PNPLA7: variants seen among roughly 807,000 people sequenced by gnomAD.
PNPLA7 encodes patatin-like phospholipase domain-containing protein 7.
In PNPLA7, 153 loss-of-function variants were observed where a neutral mutation model predicts 161.7. The ratio of observed to expected loss-of-function variants is 0.95; its 90% CI spans 0.83 to 1.08. PNPLA7 has a LOEUF of 1.08. Among genes scored for constraint, PNPLA7 ranks in the 50% least tolerant of loss-of-function variants. The probability of loss-of-function intolerance (pLI) is 0.00; values close to 1 mark genes in which losing one functional copy is unlikely to be tolerated. For missense variants in PNPLA7, 1,739 were observed against 1,856.6 expected, an observed-to-expected ratio of 0.94 and a Z score of 1.16; for synonymous variants, 809 against 782.1, an observed-to-expected ratio of 1.03 and a Z score of -0.57.
chr9:137,548,546 G>A (rs10867029), intron 1 of PNPLA7, among the ~76,000 whole-genome samples: 48,456 of 151,966 alleles, frequency 0.32, 8,746 homozygotes, highest in African/African-American at 0.47. Context: ...TCAGGAGATC[G>A]AGACCATCCT....
At chr9:137,491,158 C>A (rs1016865312) in intron 20 of PNPLA7, among the ~76,000 whole-genome samples, 26 of 152,168 alleles carry the variant, frequency 1.7e-4, no homozygotes, top group Admixed American at 2.0e-4. Flanking sequence ...ACTCAGGAGG[C>A]TGAGGGGGGG....
At chr9:137,472,712 T>C (rs1831763990) in intron 25 of PNPLA7, among the ~76,000 whole-genome samples, 1 of 147,324 alleles carries the variant, frequency 6.8e-6, no homozygotes, top group Admixed American at 6.9e-5. Flanking sequence ...ATTCCAGCAC[T>C]TTGGGAGGCT....
chr9:137,501,611 T>C (rs765624162), intron 15 of PNPLA7, 39 bp downstream of exon 15: 2 of 1,583,230 alleles, frequency 1.3e-6, no homozygotes, highest in Non-Finnish European at 1.7e-6. Flanking sequence ...GGCTATGGCA[T>C]TGGGTGGTCC....
At chr9:137,513,696 A>G (rs866979611) in intron 12 of PNPLA7, among the ~76,000 whole-genome samples, 2 of 152,194 alleles carry the variant, frequency 1.3e-5, no homozygotes, top group Non-Finnish European at 2.9e-5. Context: ...AGAATCTCCA[A>G]CAACTGAAAC....
intron 11 of PNPLA7, among the ~76,000 whole-genome samples, chr9:137,517,307 A>C (rs1370605853): frequency 4.6e-4 from 18 of 39,032 alleles, no homozygotes; most frequent in Non-Finnish European, 8.2e-4. Flanking sequence ...ACTCCATCCC[A>C]CACTCACTCA....
rs559343038 is a variant in PNPLA7, at chr9:137,501,630, C to A, written c.1551+20G>T. On this transcript the variant is annotated intron_variant, in intron 15 of 34. Transcript: ENST00000406427. ...ATGGCATTGGGTGGTCCCAGTGCCCCCCCCCAGACCCCCGCTCACCTGGTC... is the reference window on the plus strand; with the variant it reads ...ATGGCATTGGGTGGTCCCAGTGCCCACCCCCAGACCCCCGCTCACCTGGTC... The A allele has an allele frequency of 5.6e-6, 9 of 1,609,014 alleles. No individual in the cohort carries two copies. In the African/African-American group the frequency reaches 9.4e-5, roughly 17 times the overall value.
At chr9:137,509,974 C>T (rs1425831108) in intron 12 of PNPLA7, among the ~76,000 whole-genome samples, 1 of 152,066 alleles carries the variant, frequency 6.6e-6, no homozygotes, top group African/African-American at 2.4e-5. Context: ...TAGGAAAAAC[C>T]AGGCCATACA....
At chr9:137,530,740 A>G (rs1452903116) in intron 8 of PNPLA7, among the ~76,000 whole-genome samples, 2 of 152,194 alleles carry the variant, frequency 1.3e-5, no homozygotes, top group African/African-American at 2.4e-5. Flanking sequence ...CTTCTTTGAG[A>G]GCCTGAATGA....
At chr9:137,497,632 A>G (rs1050461276) in intron 17 of PNPLA7, among the ~76,000 whole-genome samples, 5 of 152,108 alleles carry the variant, frequency 3.3e-5, no homozygotes, top group Non-Finnish European at 5.9e-5. Context: ...GGTTCATGTG[A>G]TTCTCCTGCC....
intron 25 of PNPLA7, among the ~76,000 whole-genome samples, chr9:137,477,473 CAG>C (rs1180457747): frequency 3.3e-5 from 5 of 151,700 alleles, no homozygotes; most frequent in Admixed American, 3.3e-4. Flanking sequence ...TTTTTTGAGA[CAG>C]AGTCTCGCTC....
rs766686294 is a variant in PNPLA7, at chr9:137,462,232, G to C, written c.3592C>G (p.Pro1198Ala). Residue 1198 changes from proline (P) to alanine (A), a missense_variant, in exon 31 of 35, where the codon CCC (proline) becomes GCC (alanine). Physicochemically the swap from Pro to Ala is conservative, Grantham distance 27. This residue lies in a region of PNPLA7 where 703 missense variants were observed against 694.6 expected (regional missense o/e 1.01). Transcript: ENST00000406427. ...AGGGTGCTGTAGCTGTCGATGGGGG[G>C]GCGCAGGTACTCGCAGTAGTCACTG... ...KSSDYCEYLRPPIDSYSTLDF... is the reference protein window; with the variant it reads ...KSSDYCEYLRAPIDSYSTLDF... The C allele has an allele frequency of 1.0e-5, 16 of 1,607,620 alleles. No homozygotes were observed. The South Asian group carries it at 1.3e-4, about 13-fold the overall frequency.
chr9:137,507,042 T>G (rs1475961774), intron 12 of PNPLA7, among the ~76,000 whole-genome samples: 1 of 152,128 alleles, frequency 6.6e-6, no homozygotes, highest in African/African-American at 2.4e-5. Context: ...CATGTGCCCC[T>G]CCCTGGGAAG....
chr9:137,516,414 G>A (rs1834574470), intron 11 of PNPLA7: 1 of 985,010 alleles, frequency 1.0e-6, no homozygotes. Context: ...CCCGGCCCTG[G>A]TCTCTGCCAA....
Position 137,500,804 on chromosome 9 carries a change from G to A in PNPLA7, c.1644C>T (p.Arg548=), listed in dbSNP as rs1392557706. The A allele has an allele frequency of 8.1e-6, 13 of 1,609,378 alleles. No individual in the cohort carries two copies. The highest frequency in any genetic ancestry group is 1.3e-5 in the African/African-American group (1 of 74,906). The part of the protein sequence containing the change: ...SQEDTCLFLT[R]PGEMVGQLAV... ...CCAGCTGGCCCACCATCTCCCCGGGGCGCGTGAGGAACAAGCAGGTGTCCT... is the reference window on the plus strand; with the variant it reads ...CCAGCTGGCCCACCATCTCCCCGGGACGCGTGAGGAACAAGCAGGTGTCCT... Residue 548 remains arginine (R), a synonymous_variant, in exon 16 of 35, where the codon CGC becomes CGT. Coordinates refer to ENST00000406427, the MANE Select transcript of PNPLA7 (RefSeq NM_001098537.3). The surrounding 1 kb of genome is among the most constrained non-coding windows in gnomAD (Gnocchi z 5.5).
intron 24 of PNPLA7, 134 bp downstream of exon 24, chr9:137,478,922 C>G: frequency 8.2e-7 from 1 of 1,217,864 alleles, no homozygotes; most frequent in Non-Finnish European, 1.1e-6. Context: ...GAGGCAGGGT[C>G]ACGTTCACAA....
Position 137,484,882 on chromosome 9 carries a change from T to TGGCCCTCCCGCCTCCCCAGTCCTGAGGCC in PNPLA7, c.2198-147_2198-146insGGCCTCAGGACTGGGGAGGCGGGAGGGCC, listed in dbSNP as rs1564297892. On this transcript the variant is annotated intron_variant, in intron 20 of 34. Coordinates refer to ENST00000406427, the MANE Select transcript of PNPLA7 (RefSeq NM_001098537.3). ...CCTCCCGCCTCCCCAGTCCTGAGGC[T>TGGCCCTCCCGCCTCCCCAGTCCTGAGGCC]GCCTGGCCCTCCCGCCTCCCCAGTC... The TGGCCCTCCCGCCTCCCCAGTCCTGAGGCC allele has an allele frequency of 1.5e-5, 15 of 974,650 alleles. No homozygotes were observed. In the African/African-American group the frequency reaches 2.3e-4, roughly 15 times the overall value. The allele number at this position is 974,650 out of a possible 1,614,324, so 60.4% of individuals were successfully genotyped here.
At chr9:137,506,142 C>T (rs1309295430) in intron 12 of PNPLA7, 59 bp from the exon 13 acceptor site, 7 of 1,446,416 alleles carry the variant, frequency 4.8e-6, no homozygotes, top group East Asian at 4.8e-5. Flanking sequence ...CAAACGTCCG[C>T]GGTGTGGGCT....
At chr9:137,465,847 G>A (rs542534791) in intron 26 of PNPLA7, among the ~76,000 whole-genome samples, 2 of 152,314 alleles carry the variant, frequency 1.3e-5, no homozygotes, top group South Asian at 2.1e-4. Flanking sequence ...CAAGCGCAGC[G>A]CTGAGGAGGG....
At position 137,499,273 on chromosome 9, in the gene PNPLA7, T is replaced by C. The variant is rs1027897898; in HGVS notation, c.1758-1028A>G. Among the ~76,000 whole-genome samples the C allele has an allele frequency of 6.9e-6, 1 of 144,882 alleles. No individual in the cohort carries two copies. The highest frequency in any genetic ancestry group is 1.5e-5 in the Non-Finnish European group (1 of 66,832). On this transcript the variant is annotated intron_variant, in intron 16 of 34. Transcript: ENST00000406427. This position sits in a 1 kb window ranked among gnomAD's most constrained non-coding sequence, Gnocchi z 5.5. ...ACAAGGAGACACACATGGACACATG[T>C]AGACACAGAGACAGACACACGGACA...
Sources: allele counts gnomAD v4.1 joint callset (sites outside exome capture counted in the v4.1 genomes callset), GRCh38; gene constraint gnomAD v4.1.1; regional missense constraint gnomAD v4.1.1; non-coding constraint Gnocchi (gnomAD v3.1); transcripts MANE v1.5; gene names NCBI Gene and HGNC (gene_info 2026-07-23, HGNC 2026-07-21).